PHKA1: variants seen among roughly 807,000 people sequenced by gnomAD.
PHKA1 encodes the protein phosphorylase kinase regulatory subunit alpha 1, also known as phosphorylase b kinase regulatory subunit alpha, skeletal muscle isoform.
In PHKA1, 60 loss-of-function variants were observed where a neutral mutation model predicts 110.2. The ratio of observed to expected loss-of-function variants is 0.54; its 90% CI spans 0.44 to 0.68. PHKA1 has a LOEUF of 0.68. Ranked by LOEUF, PHKA1 falls within the 30% of genes least tolerant of loss-of-function variation. PHKA1 has a pLI of 0.00. For synonymous variants in PHKA1, 316 were observed against 333.6 expected (o/e 0.95, Z 0.58); for missense variants, 801 against 942.5 (o/e 0.85, Z 1.97).
At chrX:72,651,469 G>A (rs2053428608) in intron 12 of PHKA1, among the ~76,000 whole-genome samples, 1 of 111,245 alleles carries the variant, frequency 9.0e-6, no homozygotes, top group Non-Finnish European at 1.9e-5. Flanking sequence ...CCGGGAGGCG[G>A]AGGTTGTGGT....
chrX:72,651,402 G>T (rs1038764827), intron 12 of PHKA1, among the ~76,000 whole-genome samples: 1 of 110,691 alleles, frequency 9.0e-6, no homozygotes, highest in Non-Finnish European at 1.9e-5. Context: ...CAGGCATGGT[G>T]GTGCGTGCCT....
intron 31 of PHKA1, among the ~76,000 whole-genome samples, 194 bp downstream of exon 31, chrX:72,582,204 A>G (rs1425829686): frequency 4.5e-5 from 5 of 111,216 alleles, no homozygotes; most frequent in African/African-American, 1.3e-4. Context: ...CCAAAAACAC[A>G]TGGTGAAAGA....
chrX:72,680,640 C>CG (rs74862363), intron 5 of PHKA1, among the ~76,000 whole-genome samples: 39,704 of 109,034 alleles, frequency 0.36, 9,048 homozygotes, highest in African/African-American at 0.81. Flanking sequence ...GTGGTTGGCG[C>CG]GCTGCGCTGC....
chrX:72,582,036 A>T (rs781998838), intron 31 of PHKA1, among the ~76,000 whole-genome samples: 3 of 112,504 alleles, frequency 2.7e-5, no homozygotes, highest in African/African-American at 9.7e-5. Flanking sequence ...TAGTTCAGAA[A>T]GGATATGCCA....
chrX:72,602,175 T>A lies in PHKA1; in HGVS notation c.3016A>T (p.Lys1006Ter). ...TATCTTACCTGCTTTATCTCACTTTTTAACTGCATGATCCCAGTTCGTTCT... is the reference window on the plus strand; with the variant it reads ...TATCTTACCTGCTTTATCTCACTTTATAACTGCATGATCCCAGTTCGTTCT... ...KTERTGIMQL[K>*]SEIKQVEFRR... The change falls in exon 27 of 32, where the codon AAA (lysine) becomes TAA (stop). Residue 1006 changes from lysine to a stop codon, truncating the protein, a stop_gained. Transcript: ENST00000373542. LOFTEE classifies it high-confidence loss of function. 8.4e-7 allele frequency: 1 copy of A among 1,197,036 alleles called. No individual in the cohort carries two copies. Among genetic ancestry groups the A allele is most frequent in the Non-Finnish European group, 1.1e-6 (1 of 882,498 alleles).
chrX:72,701,788 G>A (rs1001114853), intron 3 of PHKA1, among the ~76,000 whole-genome samples: 3 of 111,877 alleles, frequency 2.7e-5, no homozygotes, highest in Admixed American at 9.5e-5. Flanking sequence ...AAAAGCCTAT[G>A]TAAAAAATAA....
intron 28 of PHKA1, 96 bp downstream of exon 28, chrX:72,601,895 C>T (rs782361223): frequency 1.6e-6 from 1 of 625,852 alleles, no homozygotes; most frequent in African/African-American, 2.2e-5. Context: ...TACTCCATGA[C>T]TTGTTATCTT....
Position 72,584,302 on chromosome X carries a change from A to C in PHKA1, c.3244T>G (p.Cys1082Gly). 2 of 1,206,037 alleles carry C rather than the reference A, an allele frequency of 1.7e-6. No homozygotes were observed. Among genetic ancestry groups the C allele is most frequent in the Non-Finnish European group, 2.2e-6 (2 of 890,424 alleles). The change falls in exon 30 of 32, where the codon TGT (cysteine) becomes GGT (glycine). Residue 1082 changes from cysteine (C) to glycine (G), a missense_variant and splice_region_variant. Coordinates refer to ENST00000373542, the MANE Select transcript of PHKA1 (RefSeq NM_002637.4). ...YQKVWKVLQK[C>G]HGLSVEGFVL... ...AACCCTTCAACAGAAAGTCCGTGAC[A>C]CTGCAAAACAGAAAAAAAACCATAT...
chrX:72,586,672 TA>T (rs782593632), intron 29 of PHKA1, among the ~76,000 whole-genome samples: 1 of 110,077 alleles, frequency 9.1e-6, no homozygotes, highest in South Asian at 3.9e-4. Flanking sequence ...ACAAGGAAGG[TA>T]AAAACCTTGA....
At chrX:72,662,518 C>T (rs181932149) in intron 8 of PHKA1, among the ~76,000 whole-genome samples, 5 of 112,306 alleles carry the variant, frequency 4.5e-5, no homozygotes, top group African/African-American at 1.3e-4. Context: ...TGGCTCCACC[C>T]CTGGCAAGCC....
At chrX:72,599,368 A>C (rs1485098572) in intron 28 of PHKA1, among the ~76,000 whole-genome samples, 1 of 111,551 alleles carries the variant, frequency 9.0e-6, no homozygotes, top group Non-Finnish European at 1.9e-5. Context: ...GAGGGCAAAG[A>C]CCACATCCAT....
chrX:72,669,597 T>C (rs1200180012), intron 6 of PHKA1, among the ~76,000 whole-genome samples: 1 of 95,141 alleles, frequency 1.1e-5, no homozygotes, highest in Non-Finnish European at 2.1e-5. Flanking sequence ...GTTCTCATTG[T>C]TCAATTCCCA....
intron 10 of PHKA1, among the ~76,000 whole-genome samples, chrX:72,654,180 C>A (rs921986422): frequency 1.8e-5 from 2 of 111,958 alleles, no homozygotes; most frequent in African/African-American, 6.5e-5. Context: ...TGGTTATGCA[C>A]AATTTCATAC....
In PHKA1 at chrX:72,623,165, T is replaced by C; in HGVS notation, c.1904A>G (p.Asn635Ser). The change falls in exon 18 of 32, where the codon AAC becomes AGC. Residue 635 changes from asparagine to serine, a missense_variant. By Grantham distance (46) the Asn-to-Ser change is conservative. Transcript: ENST00000373542. ...GKLYSEDYDD[N>S]YDYLESGNWM... ...GTTGCCAGATTCCAGGTAATCATAGTTGTCATCATAATCTTCACTGTACAG... is the reference window on the plus strand; with the variant it reads ...GTTGCCAGATTCCAGGTAATCATAGCTGTCATCATAATCTTCACTGTACAG... 8.3e-7 allele frequency: 1 copy of C among 1,210,700 alleles called. No homozygotes were observed.
chrX:72,639,617 T>C (rs2053272237), intron 14 of PHKA1, among the ~76,000 whole-genome samples: 1 of 111,960 alleles, frequency 8.9e-6, no homozygotes, highest in Non-Finnish European at 1.9e-5. Context: ...CATTACATTT[T>C]TTTATAGGTA....
intron 5 of PHKA1, among the ~76,000 whole-genome samples, chrX:72,680,578 T>C (rs2053835910): frequency 1.8e-5 from 2 of 112,412 alleles, no homozygotes; most frequent in South Asian, 7.1e-4. Flanking sequence ...AATGAAGAAA[T>C]GTTAAAGAAA....
intron 2 of PHKA1, chrX:72,709,326 C>G (rs1220084459): frequency 9.2e-6 from 1 of 108,267 alleles, no homozygotes; most frequent in Non-Finnish European, 1.9e-5. Flanking sequence ...GAGACTGTAT[C>G]TATATACCTT....
At chrX:72,584,551 G>A (rs1556208549) in intron 29 of PHKA1, among the ~76,000 whole-genome samples, 1 of 111,305 alleles carries the variant, frequency 9.0e-6, no homozygotes, top group Non-Finnish European at 1.9e-5. Flanking sequence ...GAAATGGAAT[G>A]AGTAGGAAAG....
rs2147681346 is a variant in PHKA1 at position 72,605,634 on chromosome X, A to C, written c.2607-15T>G. On this transcript the variant is annotated splice_polypyrimidine_tract_variant and intron_variant, in intron 23 of 31. Coordinates refer to ENST00000373542, the MANE Select transcript of PHKA1 (RefSeq NM_002637.4). ...AGGGCAGAGGTCTAAGGAAAAAGAC[A>C]GCAAAGAAAGACAATATTCTACAAC... 2 of 1,138,763 alleles carry C rather than the reference A, an allele frequency of 1.8e-6. No homozygotes were observed. Among genetic ancestry groups the C allele is most frequent in the Non-Finnish European group, 2.4e-6 (2 of 829,186 alleles). 93.8% of individuals were successfully genotyped at this position (1,138,763 alleles called of 1,213,427 possible).
Sources: allele counts gnomAD v4.1 joint callset (sites outside exome capture counted in the v4.1 genomes callset), GRCh38; gene constraint gnomAD v4.1.1; transcripts MANE v1.5; gene names NCBI Gene and HGNC (gene_info 2026-07-23, HGNC 2026-07-21).